The following CAPN7 variants were observed in gnomAD, a reference collection of about 807,000 sequenced individuals.
CAPN7 encodes the protein calpain 7, also known as calpain-7.
In CAPN7, 72 loss-of-function variants were observed where a neutral mutation model predicts 115.2. That is an observed-to-expected ratio of 0.63 (90% CI 0.52 to 0.76). The LOEUF (loss-of-function observed/expected upper bound fraction) is 0.76, where lower values mean the gene tolerates loss of function less well. Ranked by LOEUF, CAPN7 falls within the 30% of genes least tolerant of loss-of-function variation. The pLI, the probability that CAPN7 is intolerant of heterozygous loss-of-function variation, is 0.00. For synonymous variants in CAPN7, 344 were observed against 322.3 expected, an observed-to-expected ratio of 1.07 and a Z score of -0.72; for missense variants, 905 against 971.5, an observed-to-expected ratio of 0.93 and a Z score of 0.91.
intron 6 of CAPN7, among the ~76,000 whole-genome samples, chr3:15,227,281 A>C (rs895149641): frequency 1.3e-5 from 2 of 152,190 alleles, no homozygotes; most frequent in Admixed American, 6.5e-5. Flanking sequence ...GCTGTTTCTT[A>C]GGTGTCTGAC....
chr3:15,232,157 CAGTA>C (rs375027549), intron 9 of CAPN7: 107 of 403,612 alleles, frequency 2.7e-4, no homozygotes, highest in African/African-American at 1.9e-3. Context: ...CAAAACACTC[CAGTA>C]AGTATTTCCT....
rs777205026 is a variant in CAPN7 at position 15,235,137 on chromosome 3, G to A, written c.1399G>A (p.Glu467Lys). 5 of 1,606,758 alleles carry A rather than the reference G, an allele frequency of 3.1e-6. No homozygotes were observed. Among genetic ancestry groups the A allele is most frequent in the Non-Finnish European group, 3.4e-6 (4 of 1,178,052 alleles). ...CGCATATGCTGTTTTGGATATTAGA[G>A]AGTTCAAGGTTTTGCCTTAAATCTT... Reference protein sequence around the residue: ...THAYAVLDIREFKGLRFIQLK... With the variant: ...THAYAVLDIRKFKGLRFIQLK... The change falls in exon 12 of 21, where the codon GAG becomes AAG. Residue 467 changes from glutamate (E) to lysine (K), a missense_variant. Physicochemically the swap from Glu to Lys is moderately conservative, Grantham distance 56 (BLOSUM62 1). Transcript: ENST00000253693.
intron 7 of CAPN7, 139 bp from the exon 8 acceptor site, chr3:15,228,835 G>A: frequency 1.6e-6 from 1 of 614,164 alleles, no homozygotes; most frequent in South Asian, 2.2e-5. Context: ...CCTTCCACAT[G>A]TACCCCCGAA....
chr3:15,220,842 A>C lies in CAPN7; in HGVS notation c.499A>C (p.Lys167Gln), dbSNP rs1039189106. 9 of 1,614,208 alleles carry C rather than the reference A, an allele frequency of 5.6e-6. No individual in the cohort carries two copies. The highest frequency in any genetic ancestry group is 1.1e-5 in the South Asian group (1 of 91,084). ...PVGKISSTSV[K>Q]PKPPPVRAHF... Reference sequence around the variant, plus strand: ...TGGCAAAATCAGTTCAACAAGTGTTAAGCCAAAGCCACCTCCAGTGAGAGC... The same window carrying C: ...TGGCAAAATCAGTTCAACAAGTGTTCAGCCAAAGCCACCTCCAGTGAGAGC... The change falls in exon 5 of 21, where the codon AAG (lysine) becomes CAG (glutamine). Residue 167 changes from lysine to glutamine, a missense_variant. Lys to Gln is a moderately conservative substitution (Grantham distance 53). Coordinates refer to ENST00000253693, the MANE Select transcript of CAPN7 (RefSeq NM_014296.3).
chr3:15,236,674 G>A (rs1271401451), intron 12 of CAPN7, among the ~76,000 whole-genome samples: 1 of 152,206 alleles, frequency 6.6e-6, no homozygotes, highest in Non-Finnish European at 1.5e-5. Context: ...CCCAAGCTCT[G>A]TGGTATAGCC....
chr3:15,235,743 GC>G (rs1435955714), intron 12 of CAPN7, among the ~76,000 whole-genome samples: 3 of 152,196 alleles, frequency 2.0e-5, no homozygotes, highest in Non-Finnish European at 4.4e-5. Context: ...ATGCTCACTT[GC>G]CCACTGCTCA....
At chr3:15,235,365 G>A (rs1262240433) in intron 12 of CAPN7, among the ~76,000 whole-genome samples, 2 of 152,204 alleles carry the variant, frequency 1.3e-5, no homozygotes, top group Non-Finnish European at 2.9e-5. Context: ...TGACAGAACA[G>A]AAATGCTGTT....
intron 6 of CAPN7, 120 bp downstream of exon 6, chr3:15,223,681 T>A (rs1694133757): frequency 1.4e-5 from 9 of 648,746 alleles, no homozygotes; most frequent in Non-Finnish European, 2.4e-5. Flanking sequence ...AATAGAGGGG[T>A]GGCTGTGGGA....
chr3:15,240,773 GGAT>G lies in CAPN7; in HGVS notation c.1576_1578del (p.Asp526del). On this transcript the variant is annotated inframe_deletion, in exon 14 of 21. Coordinates refer to ENST00000253693, the MANE Select transcript of CAPN7 (RefSeq NM_014296.3). ...TTTCAGGAATATTTTGGATTTCCTG[GGAT>G]GATCTCTGCCAGTATTATGATGTGA... The G allele has an allele frequency of 6.2e-7, 1 of 1,609,152 alleles. No individual in the cohort carries two copies. Among genetic ancestry groups the G allele is most frequent in the Non-Finnish European group, 8.5e-7 (1 of 1,177,388 alleles).
chr3:15,234,809 T>G lies in CAPN7; in HGVS notation c.1287-216T>G, dbSNP rs572055041. Among the ~76,000 whole-genome samples the G allele has an allele frequency of 2.8e-4, 42 of 152,110 alleles. No individual in the cohort carries two copies. In the South Asian group the frequency reaches 8.5e-3, roughly 31 times the overall value. Reference sequence around the variant, plus strand: ...GTTTGTTTTCCTTCTTTGGTAGGTTTCTGGTTTAGAATTAAGTTGCCAGAA... The same window carrying G: ...GTTTGTTTTCCTTCTTTGGTAGGTTGCTGGTTTAGAATTAAGTTGCCAGAA... On this transcript the variant is annotated intron_variant, in intron 11 of 20. Coordinates refer to ENST00000253693, the MANE Select transcript of CAPN7 (RefSeq NM_014296.3).
At position 15,247,367 on chromosome 3, in the gene CAPN7, G is replaced by T; in HGVS notation, c.2114G>T (p.Gly705Val). The T allele has an allele frequency of 6.2e-7, 1 of 1,609,936 alleles. No homozygotes were observed. The highest frequency in any genetic ancestry group is 8.5e-7 in the Non-Finnish European group (1 of 1,177,944). The stretch of plus-strand genomic sequence containing the variant: ...AGTGGTCAGAGTGCTGGAGGATGTG[G>T]AAATTTCCAAGAGACTCACAAAAAT... ...KWSGQSAGGC[G>V]NFQETHKNNP... The change falls in exon 19 of 21, where the codon GGA becomes GTA. Residue 705 changes from glycine to valine, a missense_variant. By Grantham distance (109) the Gly-to-Val change is moderately radical. Transcript: ENST00000253693.
At chr3:15,230,802 A>G (rs1326201707) in intron 9 of CAPN7, among the ~76,000 whole-genome samples, 4 of 152,234 alleles carry the variant, frequency 2.6e-5, no homozygotes, top group Non-Finnish European at 5.9e-5. Flanking sequence ...GCTAATGCTT[A>G]AAATAAATTT....
chr3:15,206,537 C>G lies in CAPN7; in HGVS notation c.42C>G (p.Ala14=), dbSNP rs1260779656. 10 of 1,556,552 alleles carry G rather than the reference C, an allele frequency of 6.4e-6. No homozygotes were observed. The highest frequency in any genetic ancestry group is 2.7e-5 in the African/African-American group (2 of 72,968). ...TALERDAVQF[A]RLAVQRDHEG... is the part of the protein sequence containing the mutation. ...TGGAGCGGGACGCTGTGCAGTTCGC[C>G]CGTCTGGCGGTTCAGCGCGACCACG... Residue 14 remains alanine (A), a synonymous_variant, in exon 1 of 21, where the codon GCC becomes GCG. Transcript: ENST00000253693.
chr3:15,223,564 A>C lies in CAPN7; in HGVS notation c.725+3A>C. On this transcript the variant is annotated splice_donor_region_variant and intron_variant, in intron 6 of 20. Transcript: ENST00000253693. ...TTTGCCTATCCAATGCCTTTCTGGT[A>C]AGTAAGCACTGTTGCAATTTTTAAC... 2 of 1,565,986 alleles carry C rather than the reference A, an allele frequency of 1.3e-6. No homozygotes were observed. Among genetic ancestry groups the C allele is most frequent in the Non-Finnish European group, 1.7e-6 (2 of 1,146,722 alleles).
intron 2 of CAPN7, among the ~76,000 whole-genome samples, chr3:15,213,668 A>G (rs768748997): frequency 6.6e-6 from 1 of 152,162 alleles, no homozygotes; most frequent in African/African-American, 2.4e-5. Flanking sequence ...CCTTGTGACA[A>G]TTGGAAAAAA....
rs1021218155 is a variant in CAPN7, at chr3:15,220,968, A to G, written c.625A>G (p.Ile209Val). 8.7e-6 allele frequency: 14 copies of G among 1,613,160 alleles called. No individual in the cohort carries two copies. The African/African-American group carries it at 1.2e-4, about 14-fold the overall frequency. Residue 209 changes from isoleucine to valine, a missense_variant, in exon 5 of 21, where the codon ATA (isoleucine) becomes GTA (valine). Coordinates refer to ENST00000253693, the MANE Select transcript of CAPN7 (RefSeq NM_014296.3). The part of the protein sequence containing the change: ...AQGQRYTAEE[I>V]EVLRTTSKIN... ...AGGACAGAGATACACAGCAGAAGAA[A>G]TAGAAGTACTCAGGTAAATAAGTTT...
chr3:15,247,153 G>T (rs561786505), intron 18 of CAPN7, 174 bp from the exon 19 acceptor site: 44 of 585,526 alleles, frequency 7.5e-5, no homozygotes, highest in Middle Eastern at 4.5e-4. Context: ...TGGAAATAGG[G>T]GTTAGTGGAG....
At chr3:15,236,753 T>C (rs1402966542) in intron 12 of CAPN7, among the ~76,000 whole-genome samples, 1 of 152,226 alleles carries the variant, frequency 6.6e-6, no homozygotes, top group East Asian at 1.9e-4. Context: ...TTATAACAAC[T>C]TGGTATTTGT....
intron 1 of CAPN7, among the ~76,000 whole-genome samples, chr3:15,206,957 A>C (rs1466942816): frequency 6.6e-6 from 1 of 152,262 alleles, no homozygotes; most frequent in East Asian, 1.9e-4. Flanking sequence ...TGTGATATAT[A>C]TCAAAATAAT....
Sources: allele counts gnomAD v4.1 joint callset (sites outside exome capture counted in the v4.1 genomes callset), GRCh38; gene constraint gnomAD v4.1.1; transcripts MANE v1.5; gene names NCBI Gene and HGNC (gene_info 2026-07-23, HGNC 2026-07-21).